SPATA13: variants seen among roughly 807,000 people sequenced by gnomAD.
The protein encoded by SPATA13 is spermatogenesis associated 13.
A neutral mutation model predicts 104.0 loss-of-function variants in SPATA13; 50 were observed. The ratio of observed to expected loss-of-function variants is 0.48; its 90% CI spans 0.38 to 0.61. The LOEUF is 0.61. SPATA13 is among the 20% of genes least tolerant of loss of function. The pLI is 0.00. For synonymous variants in SPATA13, 606 were observed against 667.5 expected (o/e 0.91, Z 1.42); for missense variants, 1,524 against 1,690.6 (o/e 0.90, Z 1.73).
chr13:24,227,649 CA>C (rs1339316187), intron 2 of SPATA13, among the ~76,000 whole-genome samples: 2 of 152,126 alleles, frequency 1.3e-5, no homozygotes, highest in Non-Finnish European at 2.9e-5. Flanking sequence ...TGGCTCACTG[CA>C]ACCTTTGCCT....
intron 1 of SPATA13, among the ~76,000 whole-genome samples, chr13:24,186,952 A>G (rs1310190752): frequency 6.6e-6 from 1 of 152,232 alleles, no homozygotes; most frequent in Non-Finnish European, 1.5e-5. Context: ...AAAGAGCCTC[A>G]TTATGGGTCA....
chr13:24,224,257 A>G lies in SPATA13; in HGVS notation c.1328A>G (p.Asp443Gly). 4 of 1,550,876 alleles carry G rather than the reference A, an allele frequency of 2.6e-6. No individual in the cohort carries two copies. Among genetic ancestry groups the G allele is most frequent in the Non-Finnish European group, 8.7e-7 (1 of 1,146,800 alleles). Residue 443 changes from aspartate (D) to glycine (G), a missense_variant, in exon 2 of 13, where the codon GAC becomes GGC. By Grantham distance (94) the Asp-to-Gly change is moderately conservative. Coordinates refer to ENST00000382108, the MANE Select transcript of SPATA13 (RefSeq NM_001166271.3). ...ATTGTCCAGGATGTGTTGAGCAAAG[A>G]CTCCTGTGACCCAAACGCTGGCAGC... is the stretch of plus-strand genomic sequence containing the variant. Reference protein sequence around the residue: ...SPIVQDVLSKDSCDPNAGSQL... With the variant: ...SPIVQDVLSKGSCDPNAGSQL...
rs771488600 is a variant in SPATA13, at chr13:24,297,488, G to A, written c.3336G>A (p.Lys1112=). ...TTGACCACCAGCTGGTGTCCTGCAA[G>A]AAGGACCTGCTGCGCAGGGACATGC... ...FLFDHQLVSC[K]KDLLRRDMLY... Residue 1112 remains lysine, a synonymous_variant, in exon 11 of 13, where the codon AAG becomes AAA. Transcript: ENST00000382108. 6.2e-7 allele frequency: 1 copy of A among 1,614,240 alleles called. No homozygotes were observed.
intron 3 of SPATA13, among the ~76,000 whole-genome samples, chr13:24,092,396 A>G (rs8002029): frequency 0.084 from 12,778 of 152,230 alleles, 588 homozygotes; most frequent in African/African-American, 0.11. Flanking sequence ...TTGCTCTTGC[A>G]TAGTTAGTGA....
At chr13:23,994,392 T>G (rs1474661707) in intron 2 of SPATA13, among the ~76,000 whole-genome samples, 1 of 152,220 alleles carries the variant, frequency 6.6e-6, no homozygotes, top group East Asian at 1.9e-4. Flanking sequence ...TGCCATGGCT[T>G]CAGAGAGCAC....
intron 3 of SPATA13, among the ~76,000 whole-genome samples, chr13:24,100,773 G>A (rs536477065): frequency 1.6e-4 from 25 of 152,272 alleles, no homozygotes; most frequent in Middle Eastern, 3.4e-3. Flanking sequence ...CCTCACTCCC[G>A]TGCTGCCTGT....
intron 3 of SPATA13, among the ~76,000 whole-genome samples, chr13:24,147,959 G>T (rs916629417): frequency 6.6e-6 from 1 of 152,142 alleles, no homozygotes; most frequent in South Asian, 2.1e-4. Flanking sequence ...ATATTCTATT[G>T]TATGTATACA....
At chr13:24,256,564 A>G (rs1873800666) in intron 4 of SPATA13, among the ~76,000 whole-genome samples, 1 of 147,658 alleles carries the variant, frequency 6.8e-6, no homozygotes, top group Non-Finnish European at 1.5e-5. Flanking sequence ...ATTGCATTTA[A>G]TTTTTTTTTT....
chr13:24,226,837 A>G (rs891933567), intron 2 of SPATA13, among the ~76,000 whole-genome samples: 1 of 152,222 alleles, frequency 6.6e-6, no homozygotes, highest in Non-Finnish European at 1.5e-5. Flanking sequence ...CTTTGTAGAA[A>G]GACCTAGAAA....
intron 1 of SPATA13, among the ~76,000 whole-genome samples, chr13:24,210,933 G>A (rs954563663): frequency 2.0e-5 from 3 of 151,694 alleles, no homozygotes; most frequent in African/African-American, 7.3e-5. Context: ...ATGTTTTATA[G>A]GTTTCAGTGT....
At chr13:24,030,072 A>G (rs912793730) in intron 3 of SPATA13, among the ~76,000 whole-genome samples, 42 of 149,150 alleles carry the variant, frequency 2.8e-4, no homozygotes, top group Non-Finnish European at 4.9e-4. Flanking sequence ...ACACGCACAC[A>G]CACACACACA....
At chr13:24,167,112 G>A (rs1882769247) in intron 1 of SPATA13, among the ~76,000 whole-genome samples, 1 of 152,190 alleles carries the variant, frequency 6.6e-6, no homozygotes, top group East Asian at 1.9e-4. Context: ...AGCTTCCCAA[G>A]CGTAGTCAAG....
In SPATA13 at chr13:24,219,003, C is replaced by CAAA. The variant is rs35494448; in HGVS notation, c.-111-3800_-111-3798dup. Among the ~76,000 whole-genome samples the CAAA allele has an allele frequency of 7.0e-3, 770 of 110,448 alleles. 11 individuals are homozygous for CAAA. Among genetic ancestry groups the CAAA allele is most frequent in the African/African-American group, 0.02 (609 of 30,064 alleles). The allele number at this position is 110,448 out of a possible 152,430, so 72.5% of individuals were successfully genotyped here. ...TTTTGGTGCAAATTCTCATTATCAC[C>CAAA]AAAAAAAAAAAAAAAAAAGTTTCAT... On this transcript the variant is annotated intron_variant, in intron 1 of 12. Coordinates refer to ENST00000382108, the MANE Select transcript of SPATA13 (RefSeq NM_001166271.3).
rs1871748403 is a variant in SPATA13 at position 24,223,708 on chromosome 13, T to G, written c.779T>G (p.Phe260Cys). The change falls in exon 2 of 13, where the codon TTT (phenylalanine) becomes TGT (cysteine). Residue 260 changes from phenylalanine (F) to cysteine (C), a missense_variant. Physicochemically the swap from Phe to Cys is radical, Grantham distance 205. This residue lies in a region of SPATA13 where 1,089 missense variants were observed against 1,135.9 expected (regional missense o/e 0.96). Transcript: ENST00000382108. ...RRSKSTDNLA[F>C]LKKSSFKRKS... ...AGCAAGAGCACGGACAATCTTGCCTTTCTGAAGAAGAGCTCCTTTAAGCGG... is the reference window on the plus strand; with the variant it reads ...AGCAAGAGCACGGACAATCTTGCCTGTCTGAAGAAGAGCTCCTTTAAGCGG... 1.3e-6 allele frequency: 2 copies of G among 1,552,036 alleles called. No individual in the cohort carries two copies. The highest frequency in any genetic ancestry group is 1.7e-6 in the Non-Finnish European group (2 of 1,147,086).
At chr13:24,293,179 G>A (rs1876525827) in intron 9 of SPATA13, among the ~76,000 whole-genome samples, 1 of 149,678 alleles carries the variant, frequency 6.7e-6, no homozygotes, top group African/African-American at 2.5e-5. Flanking sequence ...AAAGAAGAGA[G>A]AGCTATATAT....
At chr13:24,016,434 T>G (rs1876715879) in intron 2 of SPATA13, among the ~76,000 whole-genome samples, 1 of 152,246 alleles carries the variant, frequency 6.6e-6, no homozygotes, top group Admixed American at 6.5e-5. Context: ...CTCACGTTTC[T>G]CAAATTCTTG....
At chr13:24,289,956 T>A (rs1285078061) in intron 8 of SPATA13, among the ~76,000 whole-genome samples, 1 of 152,120 alleles carries the variant, frequency 6.6e-6, no homozygotes, top group Non-Finnish European at 1.5e-5. Flanking sequence ...GGGCATAATG[T>A]TTTTGTGTTA....
intron 4 of SPATA13, among the ~76,000 whole-genome samples, chr13:24,277,000 A>G (rs1875035502): frequency 6.6e-6 from 1 of 152,228 alleles, no homozygotes; most frequent in Non-Finnish European, 1.5e-5. Context: ...TCAATTGAAC[A>G]ATGTCTACTG....
At chr13:24,217,738 G>A (rs1280951165) in intron 1 of SPATA13, among the ~76,000 whole-genome samples, 1 of 152,184 alleles carries the variant, frequency 6.6e-6, no homozygotes, top group African/African-American at 2.4e-5. Flanking sequence ...ACAAGAGGGC[G>A]TGTTGCTTGA....
Sources: gnomAD v4.1 joint callset for allele counts (sites outside exome capture counted in the v4.1 genomes callset) on GRCh38, gnomAD v4.1.1 for gene constraint, gnomAD v4.1.1 regional missense constraint, MANE v1.5 for transcripts, NCBI Gene and HGNC (gene_info 2026-07-23, HGNC 2026-07-21) for gene names.